The following GALNT10 variants were observed in gnomAD, a reference collection of about 807,000 sequenced individuals.
GALNT10 encodes the protein polypeptide N-acetylgalactosaminyltransferase 10.
In GALNT10, 41 loss-of-function variants were observed where a neutral mutation model predicts 75.0. The observed-to-expected ratio is 0.55, with a 90% CI of 0.43 to 0.71. GALNT10 has a LOEUF of 0.71. GALNT10 is among the 30% of genes least tolerant of loss of function. The pLI is 0.00. For missense variants in GALNT10, 727 were observed against 818.5 expected, an observed-to-expected ratio of 0.89 and a Z score of 1.36; for synonymous variants, 302 against 313.0, an observed-to-expected ratio of 0.96 and a Z score of 0.37.
chr5:154,391,421 A>C (rs1018401470), intron 7 of GALNT10, among the ~76,000 whole-genome samples: 3 of 152,152 alleles, frequency 2.0e-5, no homozygotes, highest in Admixed American at 1.3e-4. Flanking sequence ...ACAGCTCTGA[A>C]ATTTCTAGAA....
chr5:154,256,602 C>G (rs1020636973), intron 1 of GALNT10, among the ~76,000 whole-genome samples: 1 of 151,992 alleles, frequency 6.6e-6, no homozygotes, highest in African/African-American at 2.4e-5. Flanking sequence ...CAATTGTGTT[C>G]TTCAATATTA....
At chr5:154,230,301 A>G (rs1252520663) in intron 1 of GALNT10, among the ~76,000 whole-genome samples, 1 of 152,158 alleles carries the variant, frequency 6.6e-6, no homozygotes, top group Non-Finnish European at 1.5e-5. Context: ...GAAGTGTATC[A>G]AGTCATTTGG....
intron 4 of GALNT10, among the ~76,000 whole-genome samples, chr5:154,367,773 G>A (rs1371543772): frequency 6.6e-6 from 1 of 151,480 alleles, no homozygotes; most frequent in East Asian, 1.9e-4. Context: ...CAGGAGAATG[G>A]CATGAACCCA....
chr5:154,288,137 C>T (rs2113065102), intron 1 of GALNT10, among the ~76,000 whole-genome samples: 1 of 152,310 alleles, frequency 6.6e-6, no homozygotes, highest in South Asian at 2.1e-4. Context: ...CTAACACAGC[C>T]TCAGACTGTG....
chr5:154,335,465 A>T lies in GALNT10; in HGVS notation c.568+5727A>T, dbSNP rs1045067832. Among the ~76,000 whole-genome samples, 16 of 152,258 alleles carry T rather than the reference A, an allele frequency of 1.1e-4. No homozygotes were observed. In the South Asian group the frequency reaches 3.1e-3, roughly 30 times the overall value. On this transcript the variant is annotated intron_variant, in intron 4 of 11. Coordinates refer to ENST00000297107, the MANE Select transcript of GALNT10 (RefSeq NM_198321.4). Reference sequence around the variant, plus strand: ...CGAAATTTAATCCAAAGTGTTGTAGATATTACTCCCTGGGGTTAGGGAAGG... The same window carrying T: ...CGAAATTTAATCCAAAGTGTTGTAGTTATTACTCCCTGGGGTTAGGGAAGG...
rs988357603 is a variant in GALNT10 at position 154,246,224 on chromosome 5, T to C, written c.160-48592T>C. On this transcript the variant is annotated intron_variant, in intron 1 of 11. Transcript: ENST00000297107. ...AGTCTATCATTGTTGGACATTTGAGTTGGTTCCAAGTCTTTGCTATTGTGA... is the reference window on the plus strand; with the variant it reads ...AGTCTATCATTGTTGGACATTTGAGCTGGTTCCAAGTCTTTGCTATTGTGA... Among the ~76,000 whole-genome samples the C allele has an allele frequency of 4.5e-4, 69 of 152,136 alleles. 1 individual carries two copies. Among genetic ancestry groups the C allele is most frequent in the Non-Finnish European group, 9.3e-4 (63 of 68,022 alleles).
intron 3 of GALNT10, among the ~76,000 whole-genome samples, chr5:154,300,347 A>T (rs995444686): frequency 6.6e-5 from 10 of 152,150 alleles, no homozygotes; most frequent in African/African-American, 9.7e-5. Context: ...CTCTCACCGC[A>T]GCTGCGGTTC....
At chr5:154,375,810 G>A (rs1253419004) in intron 4 of GALNT10, among the ~76,000 whole-genome samples, 1 of 152,172 alleles carries the variant, frequency 6.6e-6, no homozygotes, top group Non-Finnish European at 1.5e-5. Flanking sequence ...AAGGTCACAT[G>A]ACCATCCCTG....
intron 4 of GALNT10, among the ~76,000 whole-genome samples, chr5:154,369,275 C>T (rs929214960): frequency 6.6e-6 from 1 of 152,168 alleles, no homozygotes; most frequent in African/African-American, 2.4e-5. Context: ...GTAATCCCAG[C>T]TACTCAGGAG....
At chr5:154,405,317 T>TG (rs1419666710) in intron 8 of GALNT10, among the ~76,000 whole-genome samples, 1 of 152,042 alleles carries the variant, frequency 6.6e-6, no homozygotes, top group Non-Finnish European at 1.5e-5. Context: ...GAGCCATCAG[T>TG]GGGTGGGAGC....
At chr5:154,331,780 A>G (rs1041414454) in intron 4 of GALNT10, among the ~76,000 whole-genome samples, 1 of 121,940 alleles carries the variant, frequency 8.2e-6, no homozygotes, top group Non-Finnish European at 1.7e-5. Context: ...AACACTGAGC[A>G]AACAGTCTCT....
At chr5:154,337,987 A>G in intron 4 of GALNT10, 1 of 1,578,408 alleles carries the variant, frequency 6.3e-7, no homozygotes, top group South Asian at 1.1e-5. Context: ...ACAAAGGCAA[A>G]GCCCCTTTTC....
intron 4 of GALNT10, among the ~76,000 whole-genome samples, chr5:154,336,086 T>TA (rs1315699358): frequency 6.6e-6 from 1 of 152,214 alleles, no homozygotes; most frequent in African/African-American, 2.4e-5. Context: ...ATACAGTATA[T>TA]AAAACCTTTT....
chr5:154,338,735 T>C (rs1754984001), intron 4 of GALNT10, among the ~76,000 whole-genome samples: 1 of 152,256 alleles, frequency 6.6e-6, no homozygotes, highest in Non-Finnish European at 1.5e-5. Flanking sequence ...CTTGTCATTG[T>C]GAAATGACTA....
rs1462023823 is a variant in GALNT10, at chr5:154,352,381, T to C, written c.568+22643T>C. ...AATTTGGGTTTCCACCTGGGGATCCTGGCCCTAGATAAAGTGCTTACTATG... is the reference window on the plus strand; with the variant it reads ...AATTTGGGTTTCCACCTGGGGATCCCGGCCCTAGATAAAGTGCTTACTATG... On this transcript the variant is annotated intron_variant, in intron 4 of 11. Transcript: ENST00000297107. This position sits in a 1 kb window ranked among gnomAD's most constrained non-coding sequence, Gnocchi z 4.4. 2.6e-5 allele frequency among the ~76,000 whole-genome samples: 4 copies of C among 152,270 alleles called. No homozygotes were observed. Among genetic ancestry groups the C allele is most frequent in the African/African-American group, 9.6e-5 (4 of 41,478 alleles).
chr5:154,371,175 A>G (rs1376979116), intron 4 of GALNT10, among the ~76,000 whole-genome samples: 3 of 152,052 alleles, frequency 2.0e-5, no homozygotes, highest in Non-Finnish European at 4.4e-5. Context: ...TCACTACTCC[A>G]GTCTCTGCCT....
Position 154,219,024 on chromosome 5 carries a change from G to A in GALNT10, c.159+27999G>A, listed in dbSNP as rs567779059. 1.9e-3 allele frequency among the ~76,000 whole-genome samples: 282 copies of A among 152,180 alleles called. 1 individual carries two copies. The highest frequency in any genetic ancestry group is 3.5e-3 in the South Asian group (17 of 4,808). On this transcript the variant is annotated intron_variant, in intron 1 of 11. Transcript: ENST00000297107. ...CTTACCCTGCCCAGAGCCCTCCCCCGGCTCCCCTAGACTTTAGGATAAAAT... is the reference window on the plus strand; with the variant it reads ...CTTACCCTGCCCAGAGCCCTCCCCCAGCTCCCCTAGACTTTAGGATAAAAT...
chr5:154,223,510 T>C (rs1753014247), intron 1 of GALNT10, among the ~76,000 whole-genome samples: 1 of 152,142 alleles, frequency 6.6e-6, no homozygotes, highest in Non-Finnish European at 1.5e-5. Flanking sequence ...GAGCAAGAAG[T>C]GAACATTTAT....
chr5:154,305,684 A>G (rs6863455), intron 3 of GALNT10, among the ~76,000 whole-genome samples: 47,510 of 152,170 alleles, frequency 0.31, 8,732 homozygotes, highest in East Asian at 0.62. Flanking sequence ...TATGTACTTA[A>G]TCAGTGAGCT....
Sources: allele counts gnomAD v4.1 joint callset (sites outside exome capture counted in the v4.1 genomes callset), GRCh38; gene constraint gnomAD v4.1.1; non-coding constraint Gnocchi (gnomAD v3.1); transcripts MANE v1.5; gene names NCBI Gene and HGNC (gene_info 2026-07-23, HGNC 2026-07-21).